BAG4: variants seen among roughly 807,000 people sequenced by gnomAD.
BAG4 encodes BAG family molecular chaperone regulator 4.
BAG4 carries 28 observed loss-of-function variants against 52.1 expected under a neutral mutation model. That is an observed-to-expected ratio of 0.54 (90% confidence interval 0.40 to 0.74). The LOEUF (loss-of-function observed/expected upper bound fraction) is 0.74. Among genes scored for constraint, BAG4 ranks in the 30% least tolerant of loss-of-function variants. The pLI, the probability that BAG4 is intolerant of heterozygous loss-of-function variation, is 0.00. For missense variants in BAG4, 525 were observed against 572.0 expected (o/e 0.92, Z 0.84); for synonymous variants, 208 against 217.0 (o/e 0.96, Z 0.37).
chr8:38,210,144 G>T lies in BAG4; in HGVS notation c.1025G>T (p.Ser342Ile), dbSNP rs761955958. The change falls in exon 5 of 5, where the codon AGT becomes ATT. Residue 342 changes from serine to isoleucine, a missense_variant. Physicochemically the swap from Ser to Ile is moderately radical, Grantham distance 142. This residue lies in a region of BAG4 where 238 missense variants were observed against 305.8 expected (regional missense o/e 0.78). Coordinates refer to ENST00000287322, the MANE Select transcript of BAG4 (RefSeq NM_004874.4). ...CTTTTGGATTCCCAAGTCCAGTATA[G>T]TGCTGAGCCTCAGCTGTATGGTAAT... Reference protein sequence around the residue: ...SDLLDSQVQYSAEPQLYGNAT... With the variant: ...SDLLDSQVQYIAEPQLYGNAT... 6.2e-7 allele frequency: 1 copy of T among 1,614,096 alleles called. No individual in the cohort carries two copies. Among genetic ancestry groups the T allele is most frequent in the Admixed American group, 1.7e-5 (1 of 59,998 alleles).
chr8:38,188,652 CATATATACATGTATACATATACA>C (rs1563280658), intron 1 of BAG4, among the ~76,000 whole-genome samples: 1 of 740 alleles, frequency 1.4e-3, no homozygotes, highest in Non-Finnish European at 3.3e-3. Context: ...TACATGTATA[CATATATACATGTATACATATACA>C]TGTATACATA....
chr8:38,192,632 C>T lies in BAG4; in HGVS notation c.271-56C>T, dbSNP rs147666229. ...TTATAACCTGCCTCTATCAATCTAT[C>T]TTAAAATGATGTATGAATGTTATTA... On this transcript the variant is annotated intron_variant, in intron 1 of 4. Transcript: ENST00000287322. The T allele has an allele frequency of 3.9e-5, 53 of 1,368,384 alleles. No individual in the cohort carries two copies. The East Asian group carries it at 1.2e-3, about 31-fold the overall frequency. 84.8% of individuals were successfully genotyped at this position (1,368,384 alleles called of 1,614,324 possible). A position where few individuals can be genotyped will look rare whatever the true frequency, so the allele number is the denominator to read the frequency against.
intron 1 of BAG4, among the ~76,000 whole-genome samples, chr8:38,177,961 G>T (rs1803193761): frequency 6.6e-6 from 1 of 152,058 alleles, no homozygotes; most frequent in South Asian, 2.1e-4. Flanking sequence ...TACATTGCTG[G>T]TGGGGATGTA....
chr8:38,187,330 AGAG>A (rs1307509607), intron 1 of BAG4, among the ~76,000 whole-genome samples: 10 of 152,202 alleles, frequency 6.6e-5, no homozygotes, highest in Non-Finnish European at 1.2e-4. Flanking sequence ...AAAATTAACT[AGAG>A]GAGTTCAATA....
intron 2 of BAG4, among the ~76,000 whole-genome samples, chr8:38,207,039 G>A (rs1028855074): frequency 1.4e-5 from 2 of 144,200 alleles, no homozygotes; most frequent in African/African-American, 2.6e-5. Flanking sequence ...TGCAACCTCC[G>A]CCTCCTGGGT....
chr8:38,203,498 T>G (rs1585664960), intron 2 of BAG4, among the ~76,000 whole-genome samples: 1 of 152,076 alleles, frequency 6.6e-6, no homozygotes, highest in Non-Finnish European at 1.5e-5. Flanking sequence ...TTAGCCAGGA[T>G]GGTCTCGATC....
chr8:38,200,340 G>T (rs1803639931), intron 2 of BAG4, among the ~76,000 whole-genome samples: 1 of 151,932 alleles, frequency 6.6e-6, no homozygotes, highest in South Asian at 2.1e-4. Context: ...AAATGTAAGG[G>T]TTTATTTCCA....
At chr8:38,191,675 G>T (rs1238556902) in intron 1 of BAG4, among the ~76,000 whole-genome samples, 1 of 149,034 alleles carries the variant, frequency 6.7e-6, no homozygotes, top group African/African-American at 2.5e-5. Context: ...CAGGAAAATT[G>T]CTTGAACTTG....
intron 2 of BAG4, among the ~76,000 whole-genome samples, chr8:38,206,440 A>G (rs181339408): frequency 6.6e-5 from 10 of 152,170 alleles, no homozygotes; most frequent in African/African-American, 2.2e-4. Context: ...ACAGTGAGCA[A>G]TATATGAGGA....
intron 2 of BAG4, chr8:38,201,855 TATATATATATATATATATA>T (rs1803671434): frequency 3.6e-4 from 3 of 8,318 alleles, no homozygotes; most frequent in East Asian, 2.5e-3. Context: ...TATATATATA[TATATATATATATATATATA>T]TATATATTTT....
rs188365038 is a variant in BAG4, at chr8:38,181,589, T to C, written c.270+4450T>C. 1.3e-3 allele frequency among the ~76,000 whole-genome samples: 192 copies of C among 150,624 alleles called. 1 individual carries two copies. Among genetic ancestry groups the C allele is most frequent in the African/African-American group, 4.3e-3 (177 of 40,970 alleles). The stretch of plus-strand genomic sequence containing the variant: ...CCGTCTCTACTAAAAATACAAAAAT[T>C]AGCCAGGTGTGGTGGCTCACACCTG... On this transcript the variant is annotated intron_variant, in intron 1 of 4. Coordinates refer to ENST00000287322, the MANE Select transcript of BAG4 (RefSeq NM_004874.4).
At chr8:38,177,280 CAG>C in intron 1 of BAG4, 141 bp downstream of exon 1, 1 of 1,182,096 alleles carries the variant, frequency 8.5e-7, no homozygotes, top group East Asian at 2.7e-5. Context: ...AGACTAAGAT[CAG>C]AGGTTGGGGG....
chr8:38,209,876 G>A (rs1803837787), intron 4 of BAG4, 132 bp from the exon 5 acceptor site: 2 of 1,246,736 alleles, frequency 1.6e-6, no homozygotes, highest in Admixed American at 2.3e-5. Context: ...TAAGGAGAGG[G>A]GTCCAATTTT....
intron 1 of BAG4, among the ~76,000 whole-genome samples, chr8:38,181,569 T>C (rs1252496481): frequency 6.6e-6 from 1 of 151,770 alleles, no homozygotes; most frequent in Non-Finnish European, 1.5e-5. Context: ...AAACCCCGTC[T>C]CTACTAAAAA....
At chr8:38,193,794 A>G (rs942254001) in intron 2 of BAG4, among the ~76,000 whole-genome samples, 2 of 148,614 alleles carry the variant, frequency 1.3e-5, no homozygotes, top group Non-Finnish European at 3.0e-5. Context: ...GCTGGAGTGC[A>G]GTGGCATGAT....
chr8:38,208,903 A>G, intron 3 of BAG4, 110 bp from the exon 4 acceptor site: 1 of 1,268,246 alleles, frequency 7.9e-7, no homozygotes. Context: ...GGTAGCAGCT[A>G]ATGTATACTC....
chr8:38,190,859 G>A (rs1449274483), intron 1 of BAG4, among the ~76,000 whole-genome samples: 1 of 151,148 alleles, frequency 6.6e-6, no homozygotes, highest in Non-Finnish European at 1.5e-5. Flanking sequence ...CTGGGTTCAA[G>A]CTATTCTCGT....
intron 1 of BAG4, among the ~76,000 whole-genome samples, chr8:38,180,345 A>T (rs1479906171): frequency 2.0e-5 from 3 of 151,984 alleles, no homozygotes; most frequent in Middle Eastern, 3.4e-3. Context: ...CAACATGGCG[A>T]AACCCCACCT....
chr8:38,205,098 A>G (rs1332249438), intron 2 of BAG4, among the ~76,000 whole-genome samples: 1 of 151,596 alleles, frequency 6.6e-6, no homozygotes, highest in Non-Finnish European at 1.5e-5. Flanking sequence ...TGGCTTGATT[A>G]TAGCTCACTG....
Sources: allele counts gnomAD v4.1 joint callset (sites outside exome capture counted in the v4.1 genomes callset), GRCh38; gene constraint gnomAD v4.1.1; regional missense constraint gnomAD v4.1.1; transcripts MANE v1.5; gene names NCBI Gene and HGNC (gene_info 2026-07-23, HGNC 2026-07-21).